AMZ1: variants seen among roughly 807,000 people sequenced by gnomAD.
The protein encoded by AMZ1 is archaemetzincin-1.
Under a neutral mutation model 29.9 loss-of-function variants are expected in AMZ1, and 39 were observed. The observed-to-expected ratio is 1.30, with a 90% CI of 1.01 to 1.70. The LOEUF (loss-of-function observed/expected upper bound fraction) is 1.70. AMZ1 is among the 40% of genes most tolerant of loss of function. The pLI is 0.00. For synonymous variants in AMZ1, 458 were observed against 304.0 expected (o/e 1.51, Z -5.27); for missense variants, 1,041 against 680.6 (o/e 1.53, Z -5.89).
At chr7:2,690,586 G>T (rs1351133000) in intron 1 of AMZ1, among the ~76,000 whole-genome samples, 1 of 152,138 alleles carries the variant, frequency 6.6e-6, no homozygotes, top group Non-Finnish European at 1.5e-5. Flanking sequence ...AGGTGGTGTT[G>T]TGTCTCTGGC....
At position 2,689,465 on chromosome 7, in the gene AMZ1, A is replaced by C. The variant is rs545084125; in HGVS notation, c.-219+1169A>C. 2.2e-4 allele frequency among the ~76,000 whole-genome samples: 33 copies of C among 152,304 alleles called. No homozygotes were observed. In the South Asian group the frequency reaches 6.6e-3, roughly 31 times the overall value. On this transcript the variant is annotated intron_variant, in intron 1 of 6. Transcript: ENST00000683327. ...AGCGTCTGAGTTTACCCATGGTATT[A>C]ATAGCAGCAGGGCTGGAACTCGGGT...
At chr7:2,725,609 G>A (rs567687614) in intron 4 of AMZ1, among the ~76,000 whole-genome samples, 37 of 152,226 alleles carry the variant, frequency 2.4e-4, no homozygotes, top group Non-Finnish European at 4.9e-4. Flanking sequence ...GACAGGCCAT[G>A]AACCTGGGAC....
chr7:2,733,562 T>C, intron 4 of AMZ1: 2 of 1,323,872 alleles, frequency 1.5e-6, no homozygotes, highest in Non-Finnish European at 2.2e-6. Context: ...ATGTGGCAAA[T>C]ACAAGAACTG....
At chr7:2,706,440 A>ACT (rs1191532288) in intron 3 of AMZ1, among the ~76,000 whole-genome samples, 2 of 152,146 alleles carry the variant, frequency 1.3e-5, no homozygotes, top group Non-Finnish European at 2.9e-5. Context: ...AGTACCACAA[A>ACT]CTGAGTGGCT....
At chr7:2,760,824 A>C (rs117912446), upstream of AMZ1, among the ~76,000 whole-genome samples, 187 of 152,286 alleles carry the variant, frequency 1.2e-3, 3 homozygotes, top group East Asian at 0.012. Context: ...AAGTCACCAG[A>C]GGTTAGCTTG....
At chr7:2,727,151 G>A (rs1258865108) in intron 4 of AMZ1, among the ~76,000 whole-genome samples, 1 of 152,030 alleles carries the variant, frequency 6.6e-6, no homozygotes, top group South Asian at 2.1e-4. Context: ...GCATGATCTC[G>A]GCTCACTGCA....
chr7:2,689,876 G>C (rs757000352), intron 1 of AMZ1, among the ~76,000 whole-genome samples: 1 of 152,188 alleles, frequency 6.6e-6, no homozygotes, highest in Non-Finnish European at 1.5e-5. Flanking sequence ...CCACTAAGGC[G>C]GCTCCCTCCC....
At chr7:2,756,636 GGA>G (rs1307176328) in intron 4 of AMZ1, among the ~76,000 whole-genome samples, 3 of 142,390 alleles carry the variant, frequency 2.1e-5, no homozygotes, top group Non-Finnish European at 4.8e-5. Context: ...CAAAAACATA[GGA>G]GAGGATCTGT....
chr7:2,745,399 AT>A (rs1790718069), intron 4 of AMZ1, among the ~76,000 whole-genome samples: 1 of 152,238 alleles, frequency 6.6e-6, no homozygotes, highest in Admixed American at 6.5e-5. Flanking sequence ...TCAACCCAGA[AT>A]TTCATATCCA....
rs759555880 is a variant in AMZ1, at chr7:2,709,681, C to T, written c.813C>T (p.Asn271=). 35 of 1,610,750 alleles carry T rather than the reference C, an allele frequency of 2.2e-5. No individual in the cohort carries two copies. The highest frequency in any genetic ancestry group is 3.0e-5 in the Non-Finnish European group (35 of 1,179,692). ...TCTGCCACCTTCTGGGCCTGGGGAA[C>T]TGCCGCTGGCTCCGCTGCCTCATGC... ...HELCHLLGLG[N]CRWLRCLMQG... Residue 271 remains asparagine (N), a synonymous_variant, in exon 6 of 7, where the codon AAC becomes AAT. Coordinates refer to ENST00000683327, the MANE Select transcript of AMZ1 (RefSeq NM_001384743.1).
rs545564548 is a variant in AMZ1 at position 2,700,380 on chromosome 7, G to A, written c.-72G>A. ...CCGAGGGAAGATTCTGGACGAGACC[G>A]TGGCCGTCCCCCGGGTGGCCCATGG... On this transcript the variant is annotated 5_prime_UTR_variant, in exon 2 of 7. The change creates a new upstream start codon in the 5' untranslated region. Transcript: ENST00000683327. The A allele has an allele frequency of 3.9e-6, 6 of 1,521,568 alleles. No individual in the cohort carries two copies. Among genetic ancestry groups the A allele is most frequent in the South Asian group, 3.7e-5 (3 of 81,786 alleles). The allele number at this position is 1,521,568 out of a possible 1,614,324, so 94.3% of individuals were successfully genotyped here. A position where few individuals can be genotyped will look rare whatever the true frequency, so the allele number is the denominator to read the frequency against.
chr7:2,690,223 GACAGAC>G (rs1235210529), intron 1 of AMZ1, among the ~76,000 whole-genome samples: 1 of 150,428 alleles, frequency 6.6e-6, no homozygotes, highest in African/African-American at 2.5e-5. Context: ...GAGAGAGAGA[GACAGAC>G]AGACAGACAG....
rs1789206133 is a variant in AMZ1, at chr7:2,717,619, T to C, written c.*4741T>C. ...TCTTGGAACACGAGGCTGTCAAAGA[T>C]AAACACCGCAGGGTAATCTAGGAAA... On this transcript the variant is annotated 3_prime_UTR_variant, in exon 7 of 7. Transcript: ENST00000683327. Among the ~76,000 whole-genome samples, 1 of 152,170 alleles carries C rather than the reference T, an allele frequency of 6.6e-6. No individual in the cohort carries two copies. The highest frequency in any genetic ancestry group is 2.4e-5 in the African/African-American group (1 of 41,436).
chr7:2,693,830 C>A lies in AMZ1; in HGVS notation c.-219+5534C>A, dbSNP rs1279024476. ...TCGGCCTCCCAAAGTGCTGAGAATG[C>A]AGGCATGGGCCACTGCAGCCAGCCA... On this transcript the variant is annotated intron_variant, in intron 1 of 6. Transcript: ENST00000683327. Among the ~76,000 whole-genome samples, 3 of 152,384 alleles carry A rather than the reference C, an allele frequency of 2.0e-5. No homozygotes were observed. In the East Asian group the frequency reaches 5.8e-4, roughly 29 times the overall value.
intron 4 of AMZ1, among the ~76,000 whole-genome samples, chr7:2,754,684 G>A (rs987995637): frequency 6.6e-6 from 1 of 152,122 alleles, no homozygotes; most frequent in Non-Finnish European, 1.5e-5. Context: ...AGGAGACTGA[G>A]GCTGCAGTGA....
intron 4 of AMZ1, among the ~76,000 whole-genome samples, chr7:2,755,684 ACAGT>A (rs1160795575): frequency 1.3e-5 from 2 of 152,198 alleles, no homozygotes; most frequent in African/African-American, 4.8e-5. Context: ...GCCAACAGGA[ACAGT>A]CATATTTCTT....
chr7:2,731,359 C>T lies in AMZ1; in HGVS notation n.550+21543C>T, dbSNP rs774205451. 2 of 1,613,472 alleles carry T rather than the reference C, an allele frequency of 1.2e-6. No individual in the cohort carries two copies. Among genetic ancestry groups the T allele is most frequent in the Non-Finnish European group, 8.5e-7 (1 of 1,179,662 alleles). On this transcript the variant is annotated intron_variant and non_coding_transcript_variant, in intron 4 of 4. Transcript: ENST00000489665. The surrounding 1 kb of genome is among the most constrained non-coding windows in gnomAD (Gnocchi z 6.0). ...CAGGTAGCGCTGGACGTCCTCCAGC[C>T]TGTGCGGGTCGCCCCTGAAGTCCGG...
intron 1 of AMZ1, among the ~76,000 whole-genome samples, chr7:2,689,371 G>GGGGT (rs1554244935): frequency 1.2e-5 from 1 of 83,168 alleles, no homozygotes; most frequent in Admixed American, 1.3e-4. Context: ...GAACCTCCCT[G>GGGGT]GGGGGGGGAT....
chr7:2,755,282 T>C (rs563582353), intron 4 of AMZ1, among the ~76,000 whole-genome samples: 10 of 152,326 alleles, frequency 6.6e-5, no homozygotes, highest in Admixed American at 2.0e-4. Context: ...ATCACATCCA[T>C]GTCTACAAAA....
Sources: allele counts gnomAD v4.1 joint callset (sites outside exome capture counted in the v4.1 genomes callset), GRCh38; gene constraint gnomAD v4.1.1; non-coding constraint Gnocchi (gnomAD v3.1); transcripts MANE v1.5; gene names NCBI Gene and HGNC (gene_info 2026-07-23, HGNC 2026-07-21).